The following DECR2 variants were observed in gnomAD, a reference collection of about 807,000 sequenced individuals.
DECR2 encodes 2,4-dienoyl-CoA reductase 2.
A neutral mutation model predicts 29.2 loss-of-function variants in DECR2; 34 were observed. The ratio of observed to expected loss-of-function variants is 1.16; its 90% confidence interval spans 0.89 to 1.55. The LOEUF (loss-of-function observed/expected upper bound fraction) is 1.55, where lower values mean the gene tolerates loss of function less well. DECR2 is among the 40% of genes most tolerant of loss of function. The pLI is 0.00. For synonymous variants in DECR2, 224 were observed against 182.7 expected (o/e 1.23, Z -1.82); for missense variants, 485 against 425.3 (o/e 1.14, Z -1.23).
chr16:404,442 G>A (rs1308042024), intron 1 of DECR2, among the ~76,000 whole-genome samples: 1 of 151,150 alleles, frequency 6.6e-6, no homozygotes, highest in African/African-American at 2.4e-5. Flanking sequence ...GTTTCTCCAT[G>A]TTGGTCAGGC....
At chr16:411,668 G>T in intron 8 of DECR2, 90 bp downstream of exon 8, 1 of 1,415,410 alleles carries the variant, frequency 7.1e-7, no homozygotes, top group Non-Finnish European at 9.6e-7. Context: ...CACGGGGCTG[G>T]CGTCTCCTTT....
At chr16:403,702 C>T (rs1255968253) in intron 1 of DECR2, among the ~76,000 whole-genome samples, 1 of 152,196 alleles carries the variant, frequency 6.6e-6, no homozygotes, top group Admixed American at 6.5e-5. Flanking sequence ...AAAACGATAC[C>T]CCTCTCTAGA....
chr16:406,422 C>A, intron 3 of DECR2, 25 bp downstream of exon 3: 2 of 1,605,454 alleles, frequency 1.2e-6, no homozygotes, highest in South Asian at 2.2e-5. Flanking sequence ...CCCATGGTCC[C>A]CTGTTCGGGT....
Position 411,000 on chromosome 16 carries a change from G to A in DECR2, c.585G>A (p.Glu195=), listed in dbSNP as rs1289946665. 3.7e-6 allele frequency: 6 copies of A among 1,604,290 alleles called. No individual in the cohort carries two copies. The highest frequency in any genetic ancestry group is 2.2e-5 in the South Asian group (2 of 89,246). ...VDAMTRHLAV[E]WGPQNIRVNS... The stretch of plus-strand genomic sequence containing the variant: ...CGATGACGCGGCACTTGGCTGTGGA[G>A]TGGGGTCCCCAAAACATCCGCGTCA... The change falls in exon 7 of 9, where the codon GAG becomes GAA. Residue 195 remains glutamate (E), a synonymous_variant. Coordinates refer to ENST00000219481, the MANE Select transcript of DECR2 (RefSeq NM_020664.4). The surrounding 1 kb of genome is among the most constrained non-coding windows in gnomAD (Gnocchi z 4.1).
intron 3 of DECR2, chr16:407,068 TG>T (rs2054733519): frequency 2.8e-6 from 3 of 1,079,498 alleles, no homozygotes; most frequent in African/African-American, 1.7e-5. Flanking sequence ...TGGGCTCACC[TG>T]GGTTATTTAG....
At chr16:408,681 T>A (rs532982822) in intron 4 of DECR2, among the ~76,000 whole-genome samples, 1 of 152,072 alleles carries the variant, frequency 6.6e-6, no homozygotes, top group Non-Finnish European at 1.5e-5. Flanking sequence ...CTAATTTTTA[T>A]ATTTTTTATT....
intron 1 of DECR2, 88 bp downstream of exon 1, chr16:402,131 C>A (rs2054673865): frequency 9.1e-7 from 1 of 1,093,248 alleles, no homozygotes; most frequent in Admixed American, 4.2e-5. Flanking sequence ...CGAGGGCTCG[C>A]GTGTTAGGAA....
At position 410,969 on chromosome 16, in the gene DECR2, C is replaced by T; in HGVS notation, c.557-3C>T. ...CTTTCATATCCAACTTTCTTCTGTG[C>T]AGACGCGATGACGCGGCACTTGGCT... On this transcript the variant is annotated splice_region_variant and splice_polypyrimidine_tract_variant and intron_variant, in intron 6 of 8. Coordinates refer to ENST00000219481, the MANE Select transcript of DECR2 (RefSeq NM_020664.4). This position sits in a 1 kb window ranked among gnomAD's most constrained non-coding sequence, Gnocchi z 4.1. 1 of 1,594,026 alleles carries T rather than the reference C, an allele frequency of 6.3e-7. No individual in the cohort carries two copies. Among genetic ancestry groups the T allele is most frequent in the Non-Finnish European group, 8.5e-7 (1 of 1,170,338 alleles).
chr16:405,076 C>G (rs1256487024), intron 2 of DECR2, 52 bp downstream of exon 2: 9 of 1,603,406 alleles, frequency 5.6e-6, no homozygotes, highest in African/African-American at 1.3e-5. Context: ...CTGCCCGGGC[C>G]CTGCTGGATG....
rs2054707805 is a variant in DECR2, at chr16:404,981, G to C, written c.106G>C (p.Gly36Arg). The C allele has an allele frequency of 6.2e-7, 1 of 1,614,122 alleles. No homozygotes were observed. Among genetic ancestry groups the C allele is most frequent in the East Asian group, 2.2e-5 (1 of 44,890 alleles). The change falls in exon 2 of 9, where the codon GGC (glycine) becomes CGC (arginine). Residue 36 changes from glycine (G) to arginine (R), a missense_variant. Transcript: ENST00000219481. Reference protein sequence around the residue: ...LRDKVAFITGGGSGIGFRIAE... With the variant: ...LRDKVAFITGRGSGIGFRIAE... Reference sequence around the variant, plus strand: ...GGACAAAGTGGCCTTCATCACAGGAGGCGGCTCTGGGATTGGGTTCCGGAT... The same window carrying C: ...GGACAAAGTGGCCTTCATCACAGGACGCGGCTCTGGGATTGGGTTCCGGAT...
intron 2 of DECR2, 107 bp downstream of exon 2, chr16:405,131 T>A (rs2054709661): frequency 7.4e-7 from 1 of 1,354,826 alleles, no homozygotes; most frequent in Admixed American, 1.8e-5. Flanking sequence ...TGTCCCCTGC[T>A]CACCTACCCG....
chr16:407,002 T>C (rs2054732606), intron 3 of DECR2: 1 of 1,025,126 alleles, frequency 9.8e-7, no homozygotes, highest in African/African-American at 1.7e-5. Context: ...ATCTAGTTAT[T>C]GGGTTCTGGG....
intron 4 of DECR2, among the ~76,000 whole-genome samples, chr16:408,522 C>CTTT (rs770893268): frequency 1.8e-4 from 26 of 143,096 alleles, no homozygotes; most frequent in African/African-American, 6.4e-4. Context: ...AAGTAATAGC[C>CTTT]TTTTTTTTTT....
At chr16:409,930 G>C in intron 4 of DECR2, 1 of 360,998 alleles carries the variant, frequency 2.8e-6, no homozygotes, top group East Asian at 4.8e-5. Flanking sequence ...TTGGATTTAG[G>C]GCTCACCCTA....
intron 1 of DECR2, chr16:403,106 C>T (rs1049077242): frequency 6.9e-6 from 6 of 867,676 alleles, no homozygotes; most frequent in Non-Finnish European, 8.3e-6. Context: ...TGAAGCAATT[C>T]TCCTGCCTCA....
chr16:403,230 G>A (rs2141803014), intron 1 of DECR2, among the ~76,000 whole-genome samples: 1 of 151,940 alleles, frequency 6.6e-6, no homozygotes, highest in East Asian at 1.9e-4. Context: ...ATGTTGGTCA[G>A]GCTGGTCTGG....
At position 410,366 on chromosome 16, in the gene DECR2, G is replaced by A. The variant is rs768964049; in HGVS notation, c.461G>A (p.Arg154Gln). 2.6e-5 allele frequency: 42 copies of A among 1,597,094 alleles called. No individual in the cohort carries two copies. Among genetic ancestry groups the A allele is most frequent in the Admixed American group, 5.0e-5 (3 of 59,452 alleles). ...VSRVLYEKFF[R>Q]DHGGVIVNIT... is the part of the protein sequence containing the mutation. Reference sequence around the variant, plus strand: ...CGTGTGCTCTATGAGAAGTTCTTCCGGGTGGGTGCCTCGTGCGCTCTGTGA... The same window carrying A: ...CGTGTGCTCTATGAGAAGTTCTTCCAGGTGGGTGCCTCGTGCGCTCTGTGA... Residue 154 changes from arginine to glutamine, a missense_variant and splice_region_variant, in exon 5 of 9, where the codon CGG (arginine) becomes CAG (glutamine). Coordinates refer to ENST00000219481, the MANE Select transcript of DECR2 (RefSeq NM_020664.4). This position sits in a 1 kb window ranked among gnomAD's most constrained non-coding sequence, Gnocchi z 4.1.
At position 411,069 on chromosome 16, in the gene DECR2, G is replaced by A. The variant is rs1320998228; in HGVS notation, c.654G>A (p.Arg218=). The change falls in exon 7 of 9, where the codon CGG becomes CGA. Residue 218 remains arginine (R), a synonymous_variant. Transcript: ENST00000219481. ...PGPISGTEGL[R]RLGGPQASLS... The stretch of plus-strand genomic sequence containing the variant: ...CCATCAGTGGCACAGAGGGGCTCCG[G>A]CGACTGGGTAAGGCTCTCAGGGAGC... The A allele has an allele frequency of 6.5e-7, 1 of 1,542,214 alleles. No homozygotes were observed. The highest frequency in any genetic ancestry group is 1.3e-5 in the South Asian group (1 of 79,452).
In DECR2 at chr16:411,876, T is replaced by A; in HGVS notation, c.*1-14T>A. On this transcript the variant is annotated splice_polypyrimidine_tract_variant and intron_variant, in intron 8 of 8. Transcript: ENST00000219481. ...CCGTCCTCAGCCGGCTACTAAGTTCTGAAACTCCTGCAGGAATCTTCCGGC... is the reference window on the plus strand; with the variant it reads ...CCGTCCTCAGCCGGCTACTAAGTTCAGAAACTCCTGCAGGAATCTTCCGGC... 2 of 395,496 alleles carry A rather than the reference T, an allele frequency of 5.1e-6. No individual in the cohort carries two copies. The highest frequency in any genetic ancestry group is 9.1e-6 in the Non-Finnish European group (2 of 220,994). The allele number at this position is 395,496 out of a possible 1,614,324, so 24.5% of individuals were successfully genotyped here.
Sources: allele counts gnomAD v4.1 joint callset (sites outside exome capture counted in the v4.1 genomes callset), GRCh38; gene constraint gnomAD v4.1.1; non-coding constraint Gnocchi (gnomAD v3.1); transcripts MANE v1.5; gene names NCBI Gene and HGNC (gene_info 2026-07-23, HGNC 2026-07-21).